The following ERBB4 variants were observed in gnomAD, a reference collection of about 807,000 sequenced individuals.
ERBB4 encodes erb-b2 receptor tyrosine kinase 4.
In ERBB4, 42 loss-of-function variants were observed where a neutral mutation model predicts 158.0. That is an observed-to-expected ratio of 0.27 (90% CI 0.21 to 0.34). ERBB4 has a LOEUF of 0.34. ERBB4 is among the 10% of genes least tolerant of loss of function. The pLI is 1.00. For missense variants in ERBB4, 1,333 were observed against 1,624.1 expected, an observed-to-expected ratio of 0.82 and a Z score of 3.08; for synonymous variants, 583 against 558.7, an observed-to-expected ratio of 1.04 and a Z score of -0.61.
At chr2:212,145,972 C>T (rs563287403) in intron 1 of ERBB4, among the ~76,000 whole-genome samples, 4 of 152,058 alleles carry the variant, frequency 2.6e-5, no homozygotes, top group Non-Finnish European at 4.4e-5. Flanking sequence ...TTCCTGTCCC[C>T]CTAAGGGCCC....
chr2:211,859,370 T>A (rs2077955330), intron 3 of ERBB4, among the ~76,000 whole-genome samples: 1 of 152,176 alleles, frequency 6.6e-6, no homozygotes, highest in Non-Finnish European at 1.5e-5. Flanking sequence ...CTGGTTCACA[T>A]AAATTATCTA....
chr2:211,608,930 T>C (rs1324127069), intron 19 of ERBB4, among the ~76,000 whole-genome samples: 3 of 152,186 alleles, frequency 2.0e-5, no homozygotes, highest in Non-Finnish European at 4.4e-5. Flanking sequence ...GTGGAATCAC[T>C]TTCTAAACAT....
chr2:212,240,612 T>C lies in ERBB4; in HGVS notation c.83-115709A>G, dbSNP rs1393527253. Among the ~76,000 whole-genome samples, 3 of 111,518 alleles carry C rather than the reference T, an allele frequency of 2.7e-5. No individual in the cohort carries two copies. The East Asian group carries it at 7.9e-4, about 29-fold the overall frequency. 73.2% of individuals were successfully genotyped at this position (111,518 alleles called of 152,430 possible). A position where few individuals can be genotyped will look rare whatever the true frequency, so the allele number is the denominator to read the frequency against. On this transcript the variant is annotated intron_variant, in intron 1 of 27. Coordinates refer to ENST00000342788, the MANE Select transcript of ERBB4 (RefSeq NM_005235.3). ...GAGATCGTGCCATTGCACTCCAGTC[T>C]GGGCAACAGAGCGACACTCTGGCTC...
intron 1 of ERBB4, among the ~76,000 whole-genome samples, chr2:212,166,971 C>A (rs1010846600): frequency 3.3e-5 from 5 of 152,098 alleles, no homozygotes; most frequent in Non-Finnish European, 7.4e-5. Flanking sequence ...AAATGTAAAA[C>A]CCCAAACCAT....
At chr2:212,240,943 ATAAATTTT>A (rs1294067151) in intron 1 of ERBB4, among the ~76,000 whole-genome samples, 1 of 152,188 alleles carries the variant, frequency 6.6e-6, no homozygotes, top group Non-Finnish European at 1.5e-5. Flanking sequence ...GGATAAGGAA[ATAAATTTT>A]TTCCTCTCCT....
chr2:212,402,569 A>G (rs1211407757), intron 1 of ERBB4, among the ~76,000 whole-genome samples: 1 of 152,116 alleles, frequency 6.6e-6, no homozygotes, highest in East Asian at 1.9e-4. Context: ...ATTATACTAT[A>G]GTTTTGTAAA....
intron 2 of ERBB4, among the ~76,000 whole-genome samples, chr2:211,960,174 G>A (rs1215945207): frequency 6.6e-6 from 1 of 152,000 alleles, no homozygotes; most frequent in African/African-American, 2.4e-5. Flanking sequence ...TCATATTCTA[G>A]GTATGGGACA....
rs73987375 is a variant in ERBB4, at chr2:212,342,603, C to G, written c.82+195846G>C. ...TGCTGGAAGTGTGAATTTTTAGCCT[C>G]ACATTCATGAAAACAAAGCCATATA... On this transcript the variant is annotated intron_variant, in intron 1 of 27. Transcript: ENST00000342788. Among the ~76,000 whole-genome samples, 1,035 of 152,232 alleles carry G rather than the reference C, an allele frequency of 6.8e-3. 15 individuals are homozygous for G. The highest frequency in any genetic ancestry group is 0.023 in the African/African-American group (973 of 41,540).
intron 1 of ERBB4, among the ~76,000 whole-genome samples, chr2:212,482,216 C>A (rs1689739128): frequency 6.6e-6 from 1 of 152,066 alleles, no homozygotes. Flanking sequence ...ATTTAAAAAC[C>A]CAAATCAAAA....
At chr2:211,832,886 A>G (rs2077255521) in intron 3 of ERBB4, among the ~76,000 whole-genome samples, 1 of 140,258 alleles carries the variant, frequency 7.1e-6, no homozygotes, top group African/African-American at 2.6e-5. Flanking sequence ...CTATATATAT[A>G]GTTTATATAT....
intron 1 of ERBB4, among the ~76,000 whole-genome samples, chr2:212,186,343 G>A (rs1339377754): frequency 6.6e-6 from 1 of 152,164 alleles, no homozygotes; most frequent in Non-Finnish European, 1.5e-5. Context: ...GTGTGATTTA[G>A]CTAGTCAAGA....
At chr2:211,663,616 A>G (rs1251705593) in intron 15 of ERBB4, among the ~76,000 whole-genome samples, 7 of 152,064 alleles carry the variant, frequency 4.6e-5, no homozygotes, top group African/African-American at 1.7e-4. Flanking sequence ...TATAATAATG[A>G]TTTAAAAGGG....
chr2:212,431,345 T>C (rs1211803737), intron 1 of ERBB4, among the ~76,000 whole-genome samples: 1 of 149,316 alleles, frequency 6.7e-6, no homozygotes, highest in Non-Finnish European at 1.5e-5. Context: ...CGTAACTATT[T>C]TTATTCTTGT....
intron 20 of ERBB4, among the ~76,000 whole-genome samples, chr2:211,553,754 T>C (rs1280876282): frequency 6.6e-6 from 1 of 152,152 alleles, no homozygotes; most frequent in East Asian, 1.9e-4. Flanking sequence ...TAGTAAGTGA[T>C]AGAGATGAGA....
In ERBB4 at chr2:212,175,013, A is replaced by G. The variant is rs548552610; in HGVS notation, c.83-50110T>C. Among the ~76,000 whole-genome samples, 6 of 152,174 alleles carry G rather than the reference A, an allele frequency of 3.9e-5. No homozygotes were observed. The South Asian group carries it at 1.0e-3, about 26-fold the overall frequency. ...CAAGGCAAACTCCTGGTTTTTGCCT[A>G]TATGGCTTTTCCTCTGCCGTTTCTT... On this transcript the variant is annotated intron_variant, in intron 1 of 27. Transcript: ENST00000342788.
chr2:212,408,082 T>C (rs1251301231), intron 1 of ERBB4, among the ~76,000 whole-genome samples: 1 of 151,812 alleles, frequency 6.6e-6, no homozygotes, highest in East Asian at 1.9e-4. Flanking sequence ...TTTTATTTAT[T>C]TTTATTTATT....
chr2:212,294,020 A>T (rs2086319002), intron 1 of ERBB4, among the ~76,000 whole-genome samples: 1 of 152,072 alleles, frequency 6.6e-6, no homozygotes, highest in Non-Finnish European at 1.5e-5. Context: ...CACTAAATAC[A>T]AAAATTTATA....
chr2:211,557,047 CAACTGCCT>C lies in ERBB4; in HGVS notation c.2487+4848_2487+4855del, dbSNP rs1487494675. Among the ~76,000 whole-genome samples the C allele has an allele frequency of 2.6e-5, 4 of 152,116 alleles. No individual in the cohort carries two copies. The South Asian group carries it at 8.3e-4, about 32-fold the overall frequency. On this transcript the variant is annotated intron_variant, in intron 20 of 27. Transcript: ENST00000342788. ...TATTTAATAAATGGGGCTGTAATAA[CAACTGCCT>C]AGCCATATGGAGAAGATTGAAACTG...
At chr2:211,705,264 T>C (rs2073395222) in intron 10 of ERBB4, 54 bp downstream of exon 10, 2 of 1,299,104 alleles carry the variant, frequency 1.5e-6, no homozygotes, top group South Asian at 1.2e-5. Context: ...TCTTGTGTAA[T>C]TTTTAAAAAA....
Sources: gnomAD v4.1 joint callset for allele counts (sites outside exome capture counted in the v4.1 genomes callset) on GRCh38, gnomAD v4.1.1 for gene constraint, MANE v1.5 for transcripts, NCBI Gene and HGNC (gene_info 2026-07-23, HGNC 2026-07-21) for gene names.